Variants in SRGAP3 observed in about 807,000 individuals in gnomAD.
SRGAP3 encodes the protein SLIT-ROBO Rho GTPase-activating protein 3.
Under a neutral mutation model 121.1 loss-of-function variants are expected in SRGAP3, and 39 were observed. The observed-to-expected ratio is 0.32, with a 90% CI of 0.25 to 0.42. The LOEUF (loss-of-function observed/expected upper bound fraction) is 0.42, where lower values mean the gene tolerates loss of function less well. Ranked by LOEUF, SRGAP3 falls within the 10% of genes least tolerant of loss-of-function variation. SRGAP3 has a pLI of 1.00. For missense variants in SRGAP3, 1,213 were observed against 1,470.6 expected (o/e 0.82, Z 2.86); for synonymous variants, 601 against 570.0 (o/e 1.05, Z -0.77).
intron 1 of SRGAP3, among the ~76,000 whole-genome samples, chr3:9,165,307 G>C (rs6791724): frequency 5.3e-5 from 8 of 152,122 alleles, no homozygotes; most frequent in African/African-American, 1.9e-4. Context: ...GCCCTTCCCA[G>C]GGAAGGCCCC....
chr3:9,269,203 T>G (rs1424893927), intron 3 of SRGAP3, among the ~76,000 whole-genome samples: 2 of 152,224 alleles, frequency 1.3e-5, no homozygotes, highest in Admixed American at 1.3e-4. Context: ...ATAAAGTCCC[T>G]TCTCCTCTTT....
chr3:9,182,915 C>T (rs1230358661), intron 1 of SRGAP3, among the ~76,000 whole-genome samples: 5 of 152,182 alleles, frequency 3.3e-5, no homozygotes. Context: ...ACCTCAGCCT[C>T]CCAAAGTGCT....
chr3:9,019,275 A>G (rs567182380), intron 14 of SRGAP3, among the ~76,000 whole-genome samples: 8 of 152,366 alleles, frequency 5.3e-5, no homozygotes, highest in African/African-American at 1.9e-4. Context: ...TTTTTCAGAC[A>G]TAGTCGAATT....
rs114566671 is a variant in SRGAP3, at chr3:9,163,270, G to C, written c.68-38353C>G. The stretch of plus-strand genomic sequence containing the variant: ...CATCAGCGCCCACTCTCGTGGGAGA[G>C]ATCACTTCCAACCTGCGGCTCCAAG... On this transcript the variant is annotated intron_variant, in intron 1 of 21. Transcript: ENST00000383836. Among the ~76,000 whole-genome samples, 434 of 152,294 alleles carry C rather than the reference G, an allele frequency of 2.8e-3. 4 individuals carry two copies. Among genetic ancestry groups the C allele is most frequent in the African/African-American group, 9.4e-3 (392 of 41,550 alleles).
intron 1 of SRGAP3, among the ~76,000 whole-genome samples, chr3:9,172,616 GC>G (rs1309838278): frequency 6.6e-6 from 1 of 152,156 alleles, no homozygotes; most frequent in African/African-American, 2.4e-5. Flanking sequence ...TCTGTTTCCA[GC>G]CGAGCTCTGG....
At chr3:9,125,008 A>G in intron 1 of SRGAP3, 91 bp from the exon 2 acceptor site, 7 of 1,480,662 alleles carry the variant, frequency 4.7e-6, no homozygotes, top group Non-Finnish European at 6.5e-6. Flanking sequence ...CCTGCAATTC[A>G]GGCAGCTCCC....
intron 1 of SRGAP3, among the ~76,000 whole-genome samples, chr3:9,233,292 G>T (rs754312146): frequency 2.0e-5 from 3 of 152,138 alleles, no homozygotes; most frequent in Non-Finnish European, 1.5e-5. Flanking sequence ...ATTGAACCCC[G>T]GTCTGGGTGA....
rs1372015282 is a variant in SRGAP3, at chr3:9,053,173, C to T, written c.1177G>A (p.Val393Met). 2.5e-6 allele frequency: 4 copies of T among 1,614,100 alleles called. No homozygotes were observed. Among genetic ancestry groups the T allele is most frequent in the African/African-American group, 2.7e-5 (2 of 74,928 alleles). The change falls in exon 9 of 22, where the codon GTG becomes ATG. Residue 393 changes from valine to methionine, a missense_variant. Transcript: ENST00000383836. ...TMQTLQDMLT[V>M]EDFDVSDAFQ... ...GCATCGGAGACATCAAAGTCCTCCA[C>T]AGTCAGCATGTCCTGTAATGTCTGC...
At chr3:9,295,092 C>T (rs1218751485) in intron 3 of SRGAP3, among the ~76,000 whole-genome samples, 1 of 152,134 alleles carries the variant, frequency 6.6e-6, no homozygotes, top group Non-Finnish European at 1.5e-5. Context: ...TTAGATTTAG[C>T]TAATTATACA....
intron 3 of SRGAP3, among the ~76,000 whole-genome samples, chr3:9,279,448 G>C (rs963531701): frequency 6.6e-6 from 1 of 151,666 alleles, no homozygotes; most frequent in South Asian, 2.1e-4. Context: ...AGGGCTCTCT[G>C]TCTGAGCAAA....
rs1943605435 is a variant in SRGAP3 at position 9,015,734 on chromosome 3, G to T, written c.1679-3C>A. ...ATCGTCCACAAGGGGGTCTTCACCT[G>T]AGTGGAAACAAGAGACGAGATGATA... On this transcript the variant is annotated splice_region_variant and splice_polypyrimidine_tract_variant and intron_variant, in intron 14 of 21. Coordinates refer to ENST00000383836, the MANE Select transcript of SRGAP3 (RefSeq NM_014850.4). 5 of 1,614,106 alleles carry T rather than the reference G, an allele frequency of 3.1e-6. No individual in the cohort carries two copies. The East Asian group carries it at 1.1e-4, about 36-fold the overall frequency.
chr3:9,121,765 G>C (rs1206628030), intron 2 of SRGAP3, among the ~76,000 whole-genome samples: 1 of 152,220 alleles, frequency 6.6e-6, no homozygotes, highest in Non-Finnish European at 1.5e-5. Flanking sequence ...AGAATGGGAA[G>C]AGAGCTGATT....
At position 9,124,720 on chromosome 3, in the gene SRGAP3, C is replaced by T; in HGVS notation, c.260+5G>A. 6.2e-7 allele frequency: 1 copy of T among 1,614,024 alleles called. No individual in the cohort carries two copies. Among genetic ancestry groups the T allele is most frequent in the Non-Finnish European group, 8.5e-7 (1 of 1,180,054 alleles). On this transcript the variant is annotated splice_donor_5th_base_variant and intron_variant, in intron 2 of 21. Coordinates refer to ENST00000383836, the MANE Select transcript of SRGAP3 (RefSeq NM_014850.4). ...ATCTCTGTGCACCCATACCCAACTT[C>T]TTACTTGAACTGGTGCTCCCGGGAG...
chr3:9,272,331 G>A (rs1954492674), intron 3 of SRGAP3, among the ~76,000 whole-genome samples: 1 of 152,124 alleles, frequency 6.6e-6, no homozygotes, highest in Non-Finnish European at 1.5e-5. Context: ...ACATTGTTGT[G>A]CAGCCAGCAC....
At chr3:9,024,410 G>A (rs1321381909) in intron 14 of SRGAP3, among the ~76,000 whole-genome samples, 5 of 152,124 alleles carry the variant, frequency 3.3e-5, no homozygotes, top group Admixed American at 6.5e-5. Flanking sequence ...ATATTTCCTC[G>A]AATGAAACTG....
chr3:9,250,414 A>G (rs1305736307), upstream of SRGAP3, among the ~76,000 whole-genome samples: 1 of 152,160 alleles, frequency 6.6e-6, no homozygotes, highest in Non-Finnish European at 1.5e-5. Flanking sequence ...GCACCCCTGG[A>G]GTAGAAAGCA....
chr3:9,024,451 G>A (rs2125065958), intron 14 of SRGAP3, among the ~76,000 whole-genome samples: 1 of 152,328 alleles, frequency 6.6e-6, no homozygotes, highest in Admixed American at 6.5e-5. Flanking sequence ...GCAGCAGTGA[G>A]ATAAGCACTG....
chr3:9,025,301 A>G lies in SRGAP3; in HGVS notation c.1638T>C (p.Ser546=). 1 of 1,614,198 alleles carries G rather than the reference A, an allele frequency of 6.2e-7. No homozygotes were observed. The highest frequency in any genetic ancestry group is 1.3e-5 in the African/African-American group (1 of 75,040). ...TTTTGATGTCATTGACTTCCACCTG[A>G]GATCCTGGCACTCTGAAGATCCCCT... is the stretch of plus-strand genomic sequence containing the variant. ...QQQGIFRVPG[S]QVEVNDIKNS... is the part of the protein sequence containing the mutation. The change falls in exon 14 of 22, where the codon TCT becomes TCC. Residue 546 remains serine (S), a synonymous_variant. Coordinates refer to ENST00000383836, the MANE Select transcript of SRGAP3 (RefSeq NM_014850.4).
At position 9,327,879 on chromosome 3, in the gene SRGAP3, C is replaced by T. The variant is rs1382826371; in HGVS notation, n.284-1711G>A. 4.6e-5 allele frequency among the ~76,000 whole-genome samples: 7 copies of T among 152,296 alleles called. No individual in the cohort carries two copies. The East Asian group carries it at 5.8e-4, about 13-fold the overall frequency. ...ATTCAAACAACCAGTCATTTTACTT[C>T]GGGACAGGAATTTACCATACAACAT... is the stretch of plus-strand genomic sequence containing the variant. On this transcript the variant is annotated intron_variant and non_coding_transcript_variant, in intron 2 of 3. Coordinates refer to the SRGAP3 transcript ENST00000490889.
Sources: allele counts gnomAD v4.1 joint callset (sites outside exome capture counted in the v4.1 genomes callset), GRCh38; gene constraint gnomAD v4.1.1; transcripts MANE v1.5; gene names NCBI Gene and HGNC (gene_info 2026-07-23, HGNC 2026-07-21).